Variants in KLHL24 observed in about 807,000 individuals in gnomAD.
KLHL24 encodes kelch-like protein 24.
Under a neutral mutation model 53.4 loss-of-function variants are expected in KLHL24, and 29 were observed. The ratio of observed to expected loss-of-function variants is 0.54; its 90% CI spans 0.40 to 0.74. The LOEUF (loss-of-function observed/expected upper bound fraction) is 0.74, where lower values mean the gene tolerates loss of function less well. KLHL24 is among the 30% of genes least tolerant of loss of function. The probability of loss-of-function intolerance (pLI) is 0.00; values close to 1 mark genes in which losing one functional copy is unlikely to be tolerated. For missense variants in KLHL24, 504 were observed against 744.0 expected (o/e 0.68, Z 3.75); for synonymous variants, 222 against 253.7 (o/e 0.88, Z 1.19).
At chr3:183,638,529 T>G (rs1715759427) in intron 1 of KLHL24, among the ~76,000 whole-genome samples, 1 of 152,254 alleles carries the variant, frequency 6.6e-6, no homozygotes, top group Non-Finnish European at 1.5e-5. Flanking sequence ...GTAAATATCT[T>G]CACAAGTATA....
chr3:183,655,815 G>A (rs1039345093), intron 3 of KLHL24, among the ~76,000 whole-genome samples: 4 of 151,848 alleles, frequency 2.6e-5, no homozygotes, highest in Non-Finnish European at 4.4e-5. Context: ...CCATCTACTC[G>A]GGAGGCTGAG....
chr3:183,662,319 T>C (rs1003876240), intron 3 of KLHL24, among the ~76,000 whole-genome samples: 6 of 152,102 alleles, frequency 3.9e-5, no homozygotes, highest in Non-Finnish European at 5.9e-5. Context: ...CACGCCAATA[T>C]TGCTTGTTTT....
At chr3:183,649,889 C>G (rs1466533984) in intron 2 of KLHL24, among the ~76,000 whole-genome samples, 1 of 152,088 alleles carries the variant, frequency 6.6e-6, no homozygotes, top group Non-Finnish European at 1.5e-5. Context: ...GAGTGAGACC[C>G]TGTCTCAAAA....
chr3:183,673,465 G>A (rs896959949), intron 7 of KLHL24, among the ~76,000 whole-genome samples: 3 of 151,960 alleles, frequency 2.0e-5, no homozygotes, highest in Non-Finnish European at 4.4e-5. Context: ...CAGAAGAGAG[G>A]AATGTTCCCA....
At chr3:183,639,429 G>A (rs1576867099) in intron 1 of KLHL24, among the ~76,000 whole-genome samples, 1 of 151,756 alleles carries the variant, frequency 6.6e-6, no homozygotes, top group Non-Finnish European at 1.5e-5. Flanking sequence ...AGGAGATCAA[G>A]ACCATCCTGG....
chr3:183,675,356 GA>G (rs1711649828), intron 7 of KLHL24, among the ~76,000 whole-genome samples: 1 of 152,124 alleles, frequency 6.6e-6, no homozygotes, highest in Non-Finnish European at 1.5e-5. Flanking sequence ...CCCAGTTAAT[GA>G]AAGGGACATA....
intron 1 of KLHL24, among the ~76,000 whole-genome samples, chr3:183,642,534 A>G (rs1024338296): frequency 4.9e-5 from 7 of 143,540 alleles, no homozygotes; most frequent in East Asian, 4.1e-4. Context: ...TTTAAATACT[A>G]TTGCTATTCT....
Position 183,663,902 on chromosome 3 carries a change from C to G in KLHL24, c.1105+260C>G, listed in dbSNP as rs1395915841. 2.6e-5 allele frequency among the ~76,000 whole-genome samples: 4 copies of G among 152,226 alleles called. No homozygotes were observed. In the East Asian group the frequency reaches 7.7e-4, roughly 29 times the overall value. On this transcript the variant is annotated intron_variant, in intron 4 of 7. Transcript: ENST00000242810. The surrounding 1 kb of genome is among the most constrained non-coding windows in gnomAD (Gnocchi z 4.9). ...GGTCAGGAGATCGAGACCATCCTGGCCAACATGGTGAAACCCCATCTCTAC... is the reference window on the plus strand; with the variant it reads ...GGTCAGGAGATCGAGACCATCCTGGGCAACATGGTGAAACCCCATCTCTAC...
chr3:183,662,207 T>C (rs1299607775), intron 3 of KLHL24, among the ~76,000 whole-genome samples: 1 of 152,162 alleles, frequency 6.6e-6, no homozygotes, highest in African/African-American at 2.4e-5. Context: ...TTATTTCTGA[T>C]TTTATAACGG....
chr3:183,648,125 G>C (rs1717586868), intron 2 of KLHL24, among the ~76,000 whole-genome samples: 1 of 152,178 alleles, frequency 6.6e-6, no homozygotes, highest in Non-Finnish European at 1.5e-5. Flanking sequence ...TGTTGATGAT[G>C]ATGATGGTAA....
intron 1 of KLHL24, among the ~76,000 whole-genome samples, chr3:183,638,209 T>C (rs991136747): frequency 3.3e-5 from 5 of 152,240 alleles, no homozygotes; most frequent in Non-Finnish European, 7.3e-5. Flanking sequence ...AAAGGCTTGC[T>C]TATTCAAACA....
At chr3:183,653,560 G>A (rs573764785) in intron 3 of KLHL24, among the ~76,000 whole-genome samples, 7 of 152,360 alleles carry the variant, frequency 4.6e-5, no homozygotes, top group Admixed American at 1.3e-4. Flanking sequence ...TAATTATACT[G>A]TGACAGGTTT....
intron 3 of KLHL24, among the ~76,000 whole-genome samples, chr3:183,655,802 G>T (rs916088589): frequency 2.0e-5 from 3 of 152,046 alleles, no homozygotes. Flanking sequence ...CGTGCCTGTA[G>T]TCCCATCTAC....
intron 5 of KLHL24, among the ~76,000 whole-genome samples, chr3:183,667,972 C>G (rs531727880): frequency 6.6e-6 from 1 of 150,950 alleles, no homozygotes; most frequent in Non-Finnish European, 1.5e-5. Flanking sequence ...TTCAGCCTCC[C>G]GAAGTGCTGA....
intron 3 of KLHL24, among the ~76,000 whole-genome samples, chr3:183,651,956 GA>G (rs910157357): frequency 2.3e-4 from 29 of 127,788 alleles, no homozygotes; most frequent in Middle Eastern, 4.0e-3. Context: ...AAAAAAAAAA[GA>G]AAAAAAAATG....
intron 2 of KLHL24, among the ~76,000 whole-genome samples, chr3:183,648,075 A>C (rs1197126295): frequency 2.0e-5 from 3 of 152,184 alleles, no homozygotes; most frequent in African/African-American, 7.2e-5. Context: ...CCCTAGGCCT[A>C]GTACAGTATC....
At chr3:183,678,910 C>G (rs909268980) in intron 7 of KLHL24, among the ~76,000 whole-genome samples, 176 bp from the exon 8 acceptor site, 20 of 139,734 alleles carry the variant, frequency 1.4e-4, no homozygotes, top group African/African-American at 5.6e-4. Context: ...TTCATTCATG[C>G]AAAGTTGTCC....
At chr3:183,646,191 G>A (rs896762679) in intron 2 of KLHL24, among the ~76,000 whole-genome samples, 7 of 144,172 alleles carry the variant, frequency 4.9e-5, no homozygotes, top group Non-Finnish European at 7.6e-5. Flanking sequence ...GTGAAACCCC[G>A]TCTCTTCCAA....
intron 7 of KLHL24, among the ~76,000 whole-genome samples, chr3:183,674,485 C>T (rs754078437): frequency 6.6e-6 from 1 of 151,910 alleles, no homozygotes; most frequent in Non-Finnish European, 1.5e-5. Flanking sequence ...CTCAGCCTCC[C>T]GAGTAGCTGG....
Sources: gnomAD v4.1 joint callset for allele counts (sites outside exome capture counted in the v4.1 genomes callset) on GRCh38, gnomAD v4.1.1 for gene constraint, Gnocchi (gnomAD v3.1) non-coding constraint, MANE v1.5 for transcripts, NCBI Gene and HGNC (gene_info 2026-07-23, HGNC 2026-07-21) for gene names.